The following RABGAP1L variants were observed in gnomAD, a reference collection of about 807,000 sequenced individuals.
RABGAP1L encodes the protein RAB GTPase activating protein 1 like.
In RABGAP1L, 63 loss-of-function variants were observed where a neutral mutation model predicts 137.7. That is an observed-to-expected ratio of 0.46 (90% CI 0.37 to 0.56). The LOEUF is 0.56. Ranked by LOEUF, RABGAP1L falls within the 20% of genes least tolerant of loss-of-function variation. RABGAP1L has a pLI of 0.00. For synonymous variants in RABGAP1L, 431 were observed against 433.7 expected (o/e 0.99, Z 0.08); for missense variants, 1,095 against 1,244.0 (o/e 0.88, Z 1.80).
At chr1:174,894,223 G>A (rs1014219126) in intron 19 of RABGAP1L, among the ~76,000 whole-genome samples, 6 of 152,194 alleles carry the variant, frequency 3.9e-5, no homozygotes, top group African/African-American at 1.4e-4. Context: ...CAACCTAACA[G>A]TCACACATTA....
chr1:174,435,637 A>G (rs1653174172), intron 13 of RABGAP1L, among the ~76,000 whole-genome samples: 1 of 151,948 alleles, frequency 6.6e-6, no homozygotes, highest in Admixed American at 6.6e-5. Context: ...TATATTCTTT[A>G]TGCAAGATCT....
In RABGAP1L at chr1:174,394,035, C is replaced by A; in HGVS notation, c.1600C>A (p.Leu534Met). The change falls in exon 13 of 26, where the codon CTG becomes ATG. Residue 534 changes from leucine (L) to methionine (M), a missense_variant. Around this residue, in one of 4 missense-constraint regions of RABGAP1L, gnomAD observed 315 missense variants for 324.8 expected, o/e 0.97. Transcript: ENST00000681986. ...TGCACGACCGAAAGGGCTGTCTACTCTGGTGAAGAGTGGTGTCCCTGAAGC... is the reference window on the plus strand; with the variant it reads ...TGCACGACCGAAAGGGCTGTCTACTATGGTGAAGAGTGGTGTCCCTGAAGC... ...LGARPKGLST[L>M]VKSGVPEALR... The A allele has an allele frequency of 6.2e-7, 1 of 1,613,778 alleles. No individual in the cohort carries two copies. Among genetic ancestry groups the A allele is most frequent in the Non-Finnish European group, 8.5e-7 (1 of 1,179,794 alleles).
intron 19 of RABGAP1L, chr1:174,875,830 T>C (rs938264097): frequency 5.9e-6 from 3 of 505,424 alleles, no homozygotes; most frequent in Non-Finnish European, 7.7e-6. Context: ...AAAATAATGC[T>C]TAACAGACAA....
chr1:174,349,576 G>A (rs1297871110), intron 11 of RABGAP1L, among the ~76,000 whole-genome samples: 1 of 141,144 alleles, frequency 7.1e-6, no homozygotes, highest in East Asian at 2.4e-4. Context: ...CACTGGCCGG[G>A]CAGGGGGGCT....
chr1:174,568,612 G>A lies in RABGAP1L; in HGVS notation c.1711-68763G>A, dbSNP rs74797474. 9.5e-3 allele frequency among the ~76,000 whole-genome samples: 1,446 copies of A among 152,256 alleles called. 25 individuals carry two copies. The highest frequency in any genetic ancestry group is 0.033 in the African/African-American group (1,387 of 41,532). On this transcript the variant is annotated intron_variant, in intron 13 of 25. Coordinates refer to ENST00000681986, the MANE Select transcript of RABGAP1L (RefSeq NM_001366446.1). ...GAAAGAGGAGTTGTAAGTGATTATG[G>A]CATACCTTTAAAATAGGAGTGTGCA...
In RABGAP1L at chr1:174,849,562, G is replaced by A. The variant is rs1265977608; in HGVS notation, c.2340+37602G>A. 5 of 341,982 alleles carry A rather than the reference G, an allele frequency of 1.5e-5. No individual in the cohort carries two copies. In the Admixed American group the frequency reaches 2.1e-4, roughly 14 times the overall value. 21.2% of individuals were successfully genotyped at this position (341,982 alleles called of 1,614,324 possible). A position where few individuals can be genotyped will look rare whatever the true frequency, so the allele number is the denominator to read the frequency against. On this transcript the variant is annotated intron_variant, in intron 19 of 25. Coordinates refer to ENST00000681986, the MANE Select transcript of RABGAP1L (RefSeq NM_001366446.1). Reference sequence around the variant, plus strand: ...GGAGGTCAATAAATATTAAGAGTATGCTCTCACAATTAGCATTAAACACAT... The same window carrying A: ...GGAGGTCAATAAATATTAAGAGTATACTCTCACAATTAGCATTAAACACAT...
intron 6 of RABGAP1L, among the ~76,000 whole-genome samples, chr1:174,251,102 G>A (rs1479831874): frequency 1.3e-5 from 2 of 152,184 alleles, no homozygotes; most frequent in African/African-American, 4.8e-5. Flanking sequence ...CGCTTGGTCA[G>A]ATACTTATTT....
Position 174,420,343 on chromosome 1 carries a change from CT to C in RABGAP1L, c.1710+26201del, listed in dbSNP as rs1651107729. Among the ~76,000 whole-genome samples the C allele has an allele frequency of 3.3e-5, 5 of 151,914 alleles. No homozygotes were observed. In the East Asian group the frequency reaches 9.7e-4, roughly 29 times the overall value. ...CATACTAAAAGCATTAACTCAGCCT[CT>C]TTATTTTCACTACCTTTTAGTAATC... On this transcript the variant is annotated intron_variant, in intron 13 of 25. Coordinates refer to ENST00000681986, the MANE Select transcript of RABGAP1L (RefSeq NM_001366446.1).
chr1:174,453,156 C>A (rs1476063032), intron 13 of RABGAP1L, among the ~76,000 whole-genome samples: 1 of 152,160 alleles, frequency 6.6e-6, no homozygotes, highest in African/African-American at 2.4e-5. Context: ...GGTTAACCTA[C>A]CTCTTACTTT....
intron 20 of RABGAP1L, chr1:174,958,319 A>G: frequency 1.3e-6 from 1 of 746,598 alleles, no homozygotes; most frequent in Non-Finnish European, 1.9e-6. Context: ...GAATCTCTTC[A>G]ATGGTAATTA....
At chr1:174,460,840 A>G (rs192205129) in intron 13 of RABGAP1L, among the ~76,000 whole-genome samples, 5 of 152,142 alleles carry the variant, frequency 3.3e-5, no homozygotes, top group South Asian at 4.1e-4. Context: ...AGATAGATAG[A>G]TAGGTAGGTA....
chr1:174,905,838 G>T (rs1388989006), intron 19 of RABGAP1L, among the ~76,000 whole-genome samples: 2 of 151,676 alleles, frequency 1.3e-5, no homozygotes, highest in Non-Finnish European at 2.9e-5. Context: ...GTAACAGAGT[G>T]AGACTCTGTC....
chr1:174,186,726 T>A (rs1174574491), intron 1 of RABGAP1L, among the ~76,000 whole-genome samples: 1 of 152,224 alleles, frequency 6.6e-6, no homozygotes, highest in Admixed American at 6.5e-5. Flanking sequence ...GATGGGTTAA[T>A]TGAAGAAGTT....
At chr1:174,202,483 C>T (rs916953730) in intron 1 of RABGAP1L, among the ~76,000 whole-genome samples, 5 of 152,162 alleles carry the variant, frequency 3.3e-5, no homozygotes, top group Admixed American at 2.6e-4. Flanking sequence ...CCTTCGCCTA[C>T]TTTTTGATGG....
At chr1:174,224,278 C>G (rs981111841) in intron 3 of RABGAP1L, among the ~76,000 whole-genome samples, 1 of 152,096 alleles carries the variant, frequency 6.6e-6, no homozygotes, top group Non-Finnish European at 1.5e-5. Flanking sequence ...GAGTTCAAGA[C>G]CAGCCTGGCC....
At chr1:174,527,207 T>A (rs964397001) in intron 13 of RABGAP1L, among the ~76,000 whole-genome samples, 137 of 148,886 alleles carry the variant, frequency 9.2e-4, no homozygotes, top group African/African-American at 3.3e-3. Context: ...TTATTTTGTT[T>A]TTTTTTTTTT....
At chr1:174,636,599 G>A (rs1674063696) in intron 13 of RABGAP1L, among the ~76,000 whole-genome samples, 1 of 151,406 alleles carries the variant, frequency 6.6e-6, no homozygotes, top group Admixed American at 6.6e-5. Flanking sequence ...TCAGTTTGTT[G>A]GGTAATTAAC....
rs530757871 is a variant in RABGAP1L, at chr1:174,398,294, G to A, written c.1710+4149G>A. On this transcript the variant is annotated intron_variant, in intron 13 of 25. Coordinates refer to ENST00000681986, the MANE Select transcript of RABGAP1L (RefSeq NM_001366446.1). ...CTACGCTCCCCTTCTTTCCTCCCCA[G>A]AGGAAAAGAAGGTAGGGACACAGCC... Among the ~76,000 whole-genome samples the A allele has an allele frequency of 2.2e-4, 34 of 152,182 alleles. 1 individual carries two copies. Among genetic ancestry groups the A allele is most frequent in the Admixed American group, 1.3e-3 (20 of 15,284 alleles).
chr1:174,540,786 T>C (rs890782417), intron 13 of RABGAP1L, among the ~76,000 whole-genome samples: 1 of 152,230 alleles, frequency 6.6e-6, no homozygotes, highest in African/African-American at 2.4e-5. Context: ...GGTTCTTTTT[T>C]GGTTGCATAT....
Sources: allele counts gnomAD v4.1 joint callset (sites outside exome capture counted in the v4.1 genomes callset), GRCh38; gene constraint gnomAD v4.1.1; regional missense constraint gnomAD v4.1.1; transcripts MANE v1.5; gene names NCBI Gene and HGNC (gene_info 2026-07-23, HGNC 2026-07-21).